Variants in KLRG1 observed in about 807,000 individuals in gnomAD.
KLRG1 encodes the protein killer cell lectin-like receptor subfamily G member 1.
KLRG1 carries 16 observed loss-of-function variants against 21.8 expected under a neutral mutation model. The ratio of observed to expected loss-of-function variants is 0.73; its 90% CI spans 0.50 to 1.11. The LOEUF (loss-of-function observed/expected upper bound fraction) is 1.11. Ranked by LOEUF, KLRG1 falls within the 50% of genes most tolerant of loss-of-function variation. The pLI, the probability that KLRG1 is intolerant of heterozygous loss-of-function variation, is 0.00. For synonymous variants in KLRG1, 69 were observed against 75.9 expected (o/e 0.91, Z 0.47); for missense variants, 173 against 218.3 (o/e 0.79, Z 1.31).
intron 3 of KLRG1, among the ~76,000 whole-genome samples, chr12:8,997,839 T>G (rs748956979): frequency 2.2e-4 from 33 of 152,244 alleles, no homozygotes; most frequent in African/African-American, 7.5e-4. Flanking sequence ...CAGGCTGAAG[T>G]GCAGTGGCAC....
chr12:9,196,657 T>C, the KLRG1 span: 1 of 1,613,104 alleles, frequency 6.2e-7, no homozygotes, highest in Non-Finnish European at 8.5e-7. Context: ...GGTGTGTACT[T>C]GTTGGGTGAT....
chr12:9,200,408 T>A, the KLRG1 span: 1 of 1,611,646 alleles, frequency 6.2e-7, no homozygotes. Flanking sequence ...TGATACTGAT[T>A]ATCTTTGGCA....
chr12:8,952,635 T>G (rs1051019737), intron 1 of KLRG1, among the ~76,000 whole-genome samples: 1 of 152,210 alleles, frequency 6.6e-6, no homozygotes, highest in Non-Finnish European at 1.5e-5. Flanking sequence ...TTACCTAAAT[T>G]CATCTTTTTC....
At chr12:8,970,872 C>A (rs985869278) in intron 1 of KLRG1, among the ~76,000 whole-genome samples, 2 of 151,898 alleles carry the variant, frequency 1.3e-5, no homozygotes, top group African/African-American at 4.8e-5. Flanking sequence ...TGATCTATAT[C>A]TTTTTTCTTT....
At chr12:9,145,491 A>G in the KLRG1 span, among the ~76,000 whole-genome samples, 1 of 152,126 alleles carries the variant, frequency 6.6e-6, no homozygotes, top group African/African-American at 2.4e-5. Context: ...GTGAAAATTG[A>G]TATCTATTTT....
At chr12:9,213,252 T>C in the KLRG1 span, among the ~76,000 whole-genome samples, 1 of 152,216 alleles carries the variant, frequency 6.6e-6, no homozygotes, top group Non-Finnish European at 1.5e-5. Context: ...TTATTCTCAT[T>C]TATTAGCTAT....
At chr12:9,203,035 G>C in the KLRG1 span, among the ~76,000 whole-genome samples, 1 of 152,146 alleles carries the variant, frequency 6.6e-6, no homozygotes, top group Non-Finnish European at 1.5e-5. Flanking sequence ...ACTTTAAAGA[G>C]GTACTAGGTG....
the KLRG1 span, chr12:9,077,933 A>C: frequency 6.4e-7 from 1 of 1,567,842 alleles, no homozygotes; most frequent in South Asian, 1.1e-5. Flanking sequence ...AACAGGCTTC[A>C]TATGATGTGA....
At chr12:9,192,355 G>T in the KLRG1 span, 1 of 1,343,546 alleles carries the variant, frequency 7.4e-7, no homozygotes, top group Non-Finnish European at 1.1e-6. Flanking sequence ...AGTCTGTGCT[G>T]GAGAGAATCA....
At chr12:9,196,629 T>G in the KLRG1 span, 2 of 1,613,972 alleles carry the variant, frequency 1.2e-6, no homozygotes, top group Non-Finnish European at 1.7e-6. Flanking sequence ...AGCCCGTATT[T>G]GTAATCTGGA....
At chr12:9,083,439 T>G in the KLRG1 span, among the ~76,000 whole-genome samples, 2 of 148,876 alleles carry the variant, frequency 1.3e-5, no homozygotes, top group Admixed American at 1.3e-4. Flanking sequence ...TATTGTAAAA[T>G]AAAAAATAAA....
the KLRG1 span, among the ~76,000 whole-genome samples, chr12:9,178,148 G>T: frequency 2.0e-5 from 3 of 152,308 alleles, no homozygotes; most frequent in South Asian, 6.2e-4. Flanking sequence ...TGGTTTCCAA[G>T]ATTTCCATTA....
chr12:9,110,425 A>C, the KLRG1 span: 13 of 731,152 alleles, frequency 1.8e-5, no homozygotes, highest in Admixed American at 3.2e-5. Context: ...TTGCTAGCAT[A>C]ACAGGGTGAG....
chr12:9,112,638 A>T, the KLRG1 span: 2 of 1,291,696 alleles, frequency 1.5e-6, no homozygotes, highest in Non-Finnish European at 2.2e-6. Flanking sequence ...TTCTTACTTA[A>T]CTTCACTCCC....
chr12:9,116,882 TGTATAAAATACA>T, the KLRG1 span, among the ~76,000 whole-genome samples: 84,913 of 151,668 alleles, frequency 0.56, 25,383 homozygotes, highest in African/African-American at 0.76. Context: ...TAACACCTAC[TGTATAAAATACA>T]GTATAAAATA....
At chr12:9,078,529 G>A in the KLRG1 span, among the ~76,000 whole-genome samples, 1 of 152,198 alleles carries the variant, frequency 6.6e-6, no homozygotes. Context: ...ATAGTAGAAT[G>A]ATTTATATTC....
the KLRG1 span, among the ~76,000 whole-genome samples, chr12:9,104,785 A>G: frequency 1.4e-3 from 211 of 152,316 alleles, no homozygotes; most frequent in African/African-American, 4.8e-3. Flanking sequence ...GTAATATGAT[A>G]ATGAAATATT....
At chr12:9,203,916 G>C in the KLRG1 span, 2 of 1,614,020 alleles carry the variant, frequency 1.2e-6, no homozygotes. Context: ...AGGGGCCTCA[G>C]TGTGGAGCAG....
At chr12:8,973,415 G>A (rs61472724) in intron 1 of KLRG1, among the ~76,000 whole-genome samples, 2,721 of 152,158 alleles carry the variant, frequency 0.018, 75 homozygotes, top group African/African-American at 0.061. Flanking sequence ...TAAAAAGGCT[G>A]GAGGAAACCA....
Sources: allele counts gnomAD v4.1 joint callset (sites outside exome capture counted in the v4.1 genomes callset), GRCh38; gene constraint gnomAD v4.1.1; transcripts MANE v1.5; gene names NCBI Gene and HGNC (gene_info 2026-07-23, HGNC 2026-07-21).